Variants in PRSS57 observed in about 807,000 individuals in gnomAD.
PRSS57 encodes the protein neutrophil serine protease 4.
PRSS57 carries 19 observed loss-of-function variants against 20.6 expected under a neutral mutation model. That is an observed-to-expected ratio of 0.92 (90% CI 0.64 to 1.35). The LOEUF is 1.35. Ranked by LOEUF, PRSS57 falls within the 40% of genes most tolerant of loss-of-function variation. The pLI, the probability that PRSS57 is intolerant of heterozygous loss-of-function variation, is 0.00. For missense variants in PRSS57, 440 were observed against 403.7 expected, an observed-to-expected ratio of 1.09 and a Z score of -0.77; for synonymous variants, 203 against 176.6, an observed-to-expected ratio of 1.15 and a Z score of -1.19.
intron 3 of PRSS57, among the ~76,000 whole-genome samples, chr19:690,109 G>A (rs564064372): frequency 1.4e-5 from 2 of 139,946 alleles, no homozygotes; most frequent in African/African-American, 5.3e-5. Flanking sequence ...TCAAGAGATC[G>A]AGACCATCCT....
At chr19:685,973 A>G in intron 4 of PRSS57, 51 bp from the exon 5 acceptor site, 4 of 1,446,680 alleles carry the variant, frequency 2.8e-6, no homozygotes, top group Non-Finnish European at 3.7e-6. Context: ...TGCTGCAGGC[A>G]CATCTCACCA....
intron 2 of PRSS57, among the ~76,000 whole-genome samples, chr19:693,252 A>G (rs1384546749): frequency 1.2e-3 from 15 of 12,768 alleles, no homozygotes; most frequent in Admixed American, 8.2e-3. Context: ...TTTTTTTTTG[A>G]GACAAGGTCT....
At chr19:687,794 C>T (rs1186446939) in intron 3 of PRSS57, among the ~76,000 whole-genome samples, 1 of 152,158 alleles carries the variant, frequency 6.6e-6, no homozygotes, top group Non-Finnish European at 1.5e-5. Context: ...CTTTGCTCAC[C>T]AGCCAGGGCC....
chr19:691,504 C>CAAAAAA (rs372342945), intron 3 of PRSS57, among the ~76,000 whole-genome samples: 2 of 86,880 alleles, frequency 2.3e-5, no homozygotes, highest in East Asian at 2.8e-4. Flanking sequence ...GACTCTGACT[C>CAAAAAA]AAAAAAAAAA....
intron 3 of PRSS57, among the ~76,000 whole-genome samples, chr19:689,518 G>A (rs2031579333): frequency 6.6e-6 from 1 of 152,118 alleles, no homozygotes; most frequent in Non-Finnish European, 1.5e-5. Flanking sequence ...GACAGGCATG[G>A]ATTAGCAGGG....
intron 3 of PRSS57, among the ~76,000 whole-genome samples, chr19:689,143 C>G (rs372401808): frequency 5.5e-5 from 5 of 91,084 alleles, no homozygotes; most frequent in Non-Finnish European, 9.4e-5. Flanking sequence ...CAGGTGACGA[C>G]GGTGCTAGAA....
intron 4 of PRSS57, 116 bp downstream of exon 4, chr19:686,809 C>T (rs1013443296): frequency 2.3e-6 from 3 of 1,325,850 alleles, no homozygotes; most frequent in Non-Finnish European, 3.1e-6. Context: ...CTCAGCTTCT[C>T]CGTCTGGTCC....
chr19:687,782 C>T (rs1357538883), intron 3 of PRSS57, among the ~76,000 whole-genome samples: 1 of 152,156 alleles, frequency 6.6e-6, no homozygotes, highest in African/African-American at 2.4e-5. Flanking sequence ...AAGACAAAAC[C>T]TCTTTGCTCA....
Position 691,929 on chromosome 19 carries a change from CA to C in PRSS57, c.306del (p.Phe102LeufsTer15). The C allele has an allele frequency of 7.5e-7, 1 of 1,335,824 alleles. No individual in the cohort carries two copies. Among genetic ancestry groups the C allele is most frequent in the Non-Finnish European group, 9.7e-7 (1 of 1,033,668 alleles). The allele number at this position is 1,335,824 out of a possible 1,614,324, so 82.7% of individuals were successfully genotyped here. On this transcript the variant is annotated frameshift_variant, in exon 3 of 5. Transcript: ENST00000329267. LOFTEE classifies it high-confidence loss of function. ...LSTAEPTQQV[F>X]GIDALTTHPD... ...GGGTGTGTGGTGAGAGCATCGATGCCAAACACCTGCTGGGTGGGCTCCGCAG... is the reference window on the plus strand; with the variant it reads ...GGGTGTGTGGTGAGAGCATCGATGCCAACACCTGCTGGGTGGGCTCCGCAG...
chr19:688,182 C>T (rs116584423), intron 3 of PRSS57, among the ~76,000 whole-genome samples: 2,516 of 152,318 alleles, frequency 0.017, 75 homozygotes, highest in African/African-American at 0.057. Flanking sequence ...CTGATTTGTG[C>T]GTCTTGGGTT....
rs1406094003 is a variant in PRSS57, at chr19:686,955, A to G, written c.612T>C (p.Ser204=). ...HLTLTMLCTR[S]GDSHRRGFCS... Reference sequence around the variant, plus strand: ...AGAAGCCCCGTCTGTGGCTGTCCCCACTGCGGGTGCAGAGCATGGTAAGTG... The same window carrying G: ...AGAAGCCCCGTCTGTGGCTGTCCCCGCTGCGGGTGCAGAGCATGGTAAGTG... The change falls in exon 4 of 5, where the codon AGT becomes AGC. Residue 204 remains serine, a synonymous_variant. Transcript: ENST00000329267. The G allele has an allele frequency of 7.4e-6, 12 of 1,613,904 alleles. No homozygotes were observed. The highest frequency in any genetic ancestry group is 1.0e-5 in the Non-Finnish European group (12 of 1,180,000).
At chr19:689,368 T>C (rs1439093879) in intron 3 of PRSS57, among the ~76,000 whole-genome samples, 1 of 151,904 alleles carries the variant, frequency 6.6e-6, no homozygotes, top group Non-Finnish European at 1.5e-5. Context: ...GAGCAAAGAC[T>C]TGACAGGCGT....
intron 2 of PRSS57, among the ~76,000 whole-genome samples, chr19:693,383 G>A (rs1289867386): frequency 2.0e-5 from 3 of 151,842 alleles, no homozygotes; most frequent in South Asian, 2.1e-4. Context: ...GCACAGCTCC[G>A]GTGCGGAGGA....
At chr19:690,694 C>A in intron 3 of PRSS57, 1 of 314,820 alleles carries the variant, frequency 3.2e-6, no homozygotes, top group East Asian at 7.9e-5. Flanking sequence ...CGTCTGTTCC[C>A]ACCGGGGACT....
chr19:695,393 A>C lies in PRSS57; in HGVS notation c.38T>G (p.Leu13Arg). 7.8e-7 allele frequency: 1 copy of C among 1,281,542 alleles called. No individual in the cohort carries two copies. Among genetic ancestry groups the C allele is most frequent in the Admixed American group, 3.6e-5 (1 of 27,852 alleles). 79.4% of individuals were successfully genotyped at this position (1,281,542 alleles called of 1,614,324 possible). ...LGLRGWGRPL[L>R]TVATALMLPV... ...CAGCATCAGGGCGGTGGCCACAGTC[A>C]GCAGAGGACGTCCCCAGCCCCTCAA... The change falls in exon 1 of 5, where the codon CTG becomes CGG. Residue 13 changes from leucine (L) to arginine (R), a missense_variant. Transcript: ENST00000329267.
chr19:694,899 C>T lies in PRSS57; in HGVS notation c.148G>A (p.Val50Met), dbSNP rs760559018. The change falls in exon 2 of 5, where the codon GTG (valine) becomes ATG (methionine). Residue 50 changes from valine to methionine, a missense_variant. By Grantham distance (21) the Val-to-Met change is conservative. Transcript: ENST00000329267. ...CAGTGATGTTGGCCCCCGAAGCGCA[C>T]GGATGCCATGTAGGGCCTGGAGTGG... is the stretch of plus-strand genomic sequence containing the variant. ...TPHSRPYMAS[V>M]RFGGQHHCGG... 2.6e-5 allele frequency: 42 copies of T among 1,603,066 alleles called. No homozygotes were observed. The highest frequency in any genetic ancestry group is 3.5e-5 in the Non-Finnish European group (41 of 1,175,464).
chr19:692,030 G>C, intron 2 of PRSS57, 28 bp from the exon 3 acceptor site: 2 of 1,299,084 alleles, frequency 1.5e-6, no homozygotes, highest in African/African-American at 3.0e-5. Flanking sequence ...TGGGTGAGAC[G>C]GGGGTGAGGG....
rs148900926 is a variant in PRSS57, at chr19:686,925, C to T, written c.642G>A (p.Ser214=). 70 of 1,612,380 alleles carry T rather than the reference C, an allele frequency of 4.3e-5. No homozygotes were observed. The highest frequency in any genetic ancestry group is 3.3e-4 in the Admixed American group (20 of 59,864). The change falls in exon 4 of 5, where the codon TCG becomes TCA. Residue 214 remains serine (S), a splice_region_variant and synonymous_variant. Coordinates refer to ENST00000329267, the MANE Select transcript of PRSS57 (RefSeq NM_001308209.2). ...SGDSHRRGFC[S]ADSGGPLVCR... ...GGGTGGAGCAGGGAGGGGATCTTAC[C>T]GAGCAGAAGCCCCGTCTGTGGCTGT... is the stretch of plus-strand genomic sequence containing the variant.
At chr19:692,771 C>T (rs971415190) in intron 2 of PRSS57, among the ~76,000 whole-genome samples, 1 of 151,690 alleles carries the variant, frequency 6.6e-6, no homozygotes, top group South Asian at 2.1e-4. Flanking sequence ...TTTTTCCTAC[C>T]TCCAATATAG....
Sources: gnomAD v4.1 joint callset for allele counts (sites outside exome capture counted in the v4.1 genomes callset) on GRCh38, gnomAD v4.1.1 for gene constraint, MANE v1.5 for transcripts, NCBI Gene and HGNC (gene_info 2026-07-23, HGNC 2026-07-21) for gene names.